The following TACC1 variants were observed in gnomAD, a reference collection of about 807,000 sequenced individuals.
TACC1 encodes the protein transforming acidic coiled-coil containing protein 1.
TACC1 carries 48 observed loss-of-function variants against 84.4 expected under a neutral mutation model. The ratio of observed to expected loss-of-function variants is 0.57; its 90% CI spans 0.45 to 0.72. The LOEUF (loss-of-function observed/expected upper bound fraction) is 0.72, where lower values mean the gene tolerates loss of function less well. Among genes scored for constraint, TACC1 ranks in the 30% least tolerant of loss-of-function variants. The pLI, the probability that TACC1 is intolerant of heterozygous loss-of-function variation, is 0.00. For synonymous variants in TACC1, 372 were observed against 376.3 expected (o/e 0.99, Z 0.13); for missense variants, 920 against 973.0 (o/e 0.95, Z 0.72).
chr8:38,827,648 G>A (rs1176037961), intron 5 of TACC1: 1 of 470,408 alleles, frequency 2.1e-6, no homozygotes, highest in South Asian at 2.3e-5. Context: ...ATGTGAATAT[G>A]GCCATATCTT....
At chr8:38,746,139 G>A (rs553475141) in intron 3 of TACC1, among the ~76,000 whole-genome samples, 2 of 152,276 alleles carry the variant, frequency 1.3e-5, no homozygotes, top group African/African-American at 4.8e-5. Context: ...AAAGTGTTAT[G>A]TTATTTTATA....
At chr8:38,787,807 CTGTG>C in intron 1 of TACC1, 64 bp downstream of exon 1, 1 of 1,404,130 alleles carries the variant, frequency 7.1e-7, no homozygotes, top group Non-Finnish European at 9.4e-7. Flanking sequence ...GCGACTCCCT[CTGTG>C]TGCGTGTGTG....
chr8:38,823,600 CT>C (rs1356420966), intron 3 of TACC1, among the ~76,000 whole-genome samples: 3 of 152,214 alleles, frequency 2.0e-5, no homozygotes, highest in African/African-American at 7.2e-5. Context: ...CCTTTTTCCC[CT>C]ATTCTGTTTT....
intron 2 of TACC1, among the ~76,000 whole-genome samples, chr8:38,815,434 T>C (rs1825207556): frequency 6.6e-6 from 1 of 152,204 alleles, no homozygotes; most frequent in East Asian, 1.9e-4. Context: ...TTTGTTTGTT[T>C]TTGAGACAGA....
chr8:38,740,019 C>T (rs1353252740), intron 1 of TACC1, among the ~76,000 whole-genome samples: 3 of 152,242 alleles, frequency 2.0e-5, no homozygotes, highest in South Asian at 2.1e-4. Context: ...AGAGAAGAGA[C>T]AGACCCAGAA....
intron 3 of TACC1, among the ~76,000 whole-genome samples, chr8:38,773,873 C>A (rs1276935122): frequency 6.6e-6 from 1 of 152,192 alleles, no homozygotes; most frequent in East Asian, 1.9e-4. Flanking sequence ...AGCTCACCAA[C>A]ATTTTAACAG....
chr8:38,732,523 A>G (rs2151610316), intron 1 of TACC1, among the ~76,000 whole-genome samples: 1 of 152,330 alleles, frequency 6.6e-6, no homozygotes. Context: ...TCTGGATTAC[A>G]TGTATAATGA....
In TACC1 at chr8:38,850,791, A is replaced by C. The variant is rs1048548333; in HGVS notation, c.*2768A>C. On this transcript the variant is annotated 3_prime_UTR_variant, in exon 13 of 13. Transcript: ENST00000317827. Reference sequence around the variant, plus strand: ...ATCTTGTCTCAAAAAAAAAAAAAAAAAAAAAAAAACCAGGAGTGAAAAAGG... The same window carrying C: ...ATCTTGTCTCAAAAAAAAAAAAAAACAAAAAAAAACCAGGAGTGAAAAAGG... 1 of 149,174 alleles carries C rather than the reference A, an allele frequency of 6.7e-6. No individual in the cohort carries two copies. Among genetic ancestry groups the C allele is most frequent in the African/African-American group, 2.6e-5 (1 of 38,176 alleles). 9.2% of individuals were successfully genotyped at this position (149,174 alleles called of 1,614,324 possible).
chr8:38,848,234 G>A lies in TACC1; in HGVS notation c.*211G>A. 2.3e-6 allele frequency: 1 copy of A among 430,312 alleles called. No individual in the cohort carries two copies. The highest frequency in any genetic ancestry group is 4.1e-6 in the Non-Finnish European group (1 of 243,120). The allele number at this position is 430,312 out of a possible 1,614,324, so 26.7% of individuals were successfully genotyped here. On this transcript the variant is annotated 3_prime_UTR_variant, in exon 13 of 13. Coordinates refer to ENST00000317827, the MANE Select transcript of TACC1 (RefSeq NM_006283.3). The stretch of plus-strand genomic sequence containing the variant: ...GGTTGCATAGTCTAGAAAGGAGTGT[G>A]ACCTGACAGTGCTGGAGCCTCCTAG...
intron 2 of TACC1, among the ~76,000 whole-genome samples, chr8:38,794,375 G>A (rs1819481786): frequency 6.6e-6 from 1 of 152,136 alleles, no homozygotes; most frequent in South Asian, 2.1e-4. Context: ...GGGCTCAAGT[G>A]ATCCTCCCAC....
At chr8:38,836,077 A>G (rs1008097870) in intron 6 of TACC1, 85 bp from the exon 7 acceptor site, 1 of 1,566,486 alleles carries the variant, frequency 6.4e-7, no homozygotes, top group Non-Finnish European at 8.7e-7. Context: ...GATGTGATCA[A>G]TTTAGTAATG....
At chr8:38,837,771 C>T (rs1360031385) in intron 7 of TACC1, among the ~76,000 whole-genome samples, 2 of 152,172 alleles carry the variant, frequency 1.3e-5, no homozygotes, top group South Asian at 2.1e-4. Flanking sequence ...GAGAGCGGCA[C>T]GGCCAGGGAA....
intron 7 of TACC1, among the ~76,000 whole-genome samples, chr8:38,837,383 A>G (rs188573501): frequency 6.6e-6 from 1 of 152,198 alleles, no homozygotes; most frequent in East Asian, 1.9e-4. Context: ...AGATCGCACC[A>G]TTGCACTCCA....
chr8:38,744,507 A>C (rs940593630), intron 2 of TACC1, among the ~76,000 whole-genome samples: 1 of 152,158 alleles, frequency 6.6e-6, no homozygotes, highest in Non-Finnish European at 1.5e-5. Context: ...TTTTCTTCAT[A>C]ATAGCTGTGT....
At chr8:38,736,745 T>TA (rs1806039888) in intron 1 of TACC1, among the ~76,000 whole-genome samples, 1 of 152,226 alleles carries the variant, frequency 6.6e-6, no homozygotes, top group South Asian at 2.1e-4. Context: ...AGGACATCTC[T>TA]AATGGCACAC....
chr8:38,816,440 C>A (rs994998193), intron 2 of TACC1, among the ~76,000 whole-genome samples: 1 of 152,160 alleles, frequency 6.6e-6, no homozygotes, highest in Non-Finnish European at 1.5e-5. Flanking sequence ...AACTATCTGT[C>A]CTTAGTGCAG....
At chr8:38,745,175 C>T (rs1424519390) in exon 3 of TACC1, 2 of 297,032 alleles carry the variant, frequency 6.7e-6, no homozygotes, top group African/African-American at 2.2e-5. Flanking sequence ...TGATCAACCC[C>T]TGACCCACAT....
chr8:38,740,932 T>A (rs1482468748), intron 1 of TACC1, among the ~76,000 whole-genome samples: 1 of 152,214 alleles, frequency 6.6e-6, no homozygotes, highest in Non-Finnish European at 1.5e-5. Flanking sequence ...GCCTGTTGTG[T>A]TTTGTTGTAC....
At chr8:38,840,778 G>A (rs1397012978) in intron 9 of TACC1, among the ~76,000 whole-genome samples, 1 of 152,134 alleles carries the variant, frequency 6.6e-6, no homozygotes, top group Non-Finnish European at 1.5e-5. Flanking sequence ...GGCCTGGCAT[G>A]GTGTCTCACG....
Sources: allele counts gnomAD v4.1 joint callset (sites outside exome capture counted in the v4.1 genomes callset), GRCh38; gene constraint gnomAD v4.1.1; transcripts MANE v1.5; gene names NCBI Gene and HGNC (gene_info 2026-07-23, HGNC 2026-07-21).